Variants in SLC66A3 observed in about 807,000 individuals in gnomAD.
The protein encoded by SLC66A3 is PQ loop repeat containing 3.
In SLC66A3, 23 loss-of-function variants were observed where a neutral mutation model predicts 25.5. The ratio of observed to expected loss-of-function variants is 0.90; its 90% CI spans 0.65 to 1.28. The LOEUF is 1.28. SLC66A3 is among the 50% of genes most tolerant of loss of function. The pLI, the probability that SLC66A3 is intolerant of heterozygous loss-of-function variation, is 0.00. For missense variants in SLC66A3, 246 were observed against 262.1 expected (o/e 0.94, Z 0.42); for synonymous variants, 108 against 112.6 (o/e 0.96, Z 0.26).
intron 1 of SLC66A3, among the ~76,000 whole-genome samples, 194 bp downstream of exon 1, chr2:11,155,883 C>T (rs150099004): frequency 0.012 from 1,833 of 152,340 alleles, 19 homozygotes; most frequent in Non-Finnish European, 0.02. Context: ...CACCCGCGTA[C>T]ATTGTTTCTC....
chr2:11,164,345 A>ATATATATATATTTTTTTTTTTTT, intron 4 of SLC66A3, 84 bp downstream of exon 4: 3 of 92,812 alleles, frequency 3.2e-5, no homozygotes, highest in Non-Finnish European at 3.8e-5. Flanking sequence ...ATATATATAT[A>ATATATATATATTTTTTTTTTTTT]TTTTTTTTTT....
chr2:11,162,187 TC>T (rs1205828521), intron 3 of SLC66A3, among the ~76,000 whole-genome samples: 9 of 152,168 alleles, frequency 5.9e-5, no homozygotes, highest in African/African-American at 1.7e-4. Flanking sequence ...GAGGCGAGGC[TC>T]TGCAGCCTGT....
intron 1 of SLC66A3, among the ~76,000 whole-genome samples, chr2:11,158,207 G>C (rs1661975480): frequency 6.6e-6 from 1 of 152,208 alleles, no homozygotes; most frequent in South Asian, 2.1e-4. Flanking sequence ...AAGCACTATA[G>C]CGATTACTTA....
At chr2:11,164,345 A>ATATATATTTTTTTTTTT in intron 4 of SLC66A3, 84 bp downstream of exon 4, 2 of 88,048 alleles carry the variant, frequency 2.3e-5, no homozygotes, top group Non-Finnish European at 4.0e-5. Flanking sequence ...ATATATATAT[A>ATATATATTTTTTTTTTT]TTTTTTTTTT....
chr2:11,158,572 G>T (rs367630536), intron 1 of SLC66A3, among the ~76,000 whole-genome samples: 3 of 152,248 alleles, frequency 2.0e-5, no homozygotes, highest in African/African-American at 7.2e-5. Context: ...TGAGGCAGGA[G>T]AATGGCGTGA....
intron 1 of SLC66A3, among the ~76,000 whole-genome samples, chr2:11,158,185 T>C (rs1661974705): frequency 6.6e-6 from 1 of 152,220 alleles, no homozygotes; most frequent in Non-Finnish European, 1.5e-5. Context: ...GCTGGCATGA[T>C]TTTATTATGA....
intron 5 of SLC66A3, among the ~76,000 whole-genome samples, chr2:11,173,729 C>T (rs1230485938): frequency 6.6e-6 from 1 of 152,190 alleles, no homozygotes; most frequent in Non-Finnish European, 1.5e-5. Context: ...CCTTGAGCTG[C>T]AGGCAGTGGT....
Position 11,178,310 on chromosome 2 carries a change from A to C in SLC66A3, c.*482A>C, listed in dbSNP as rs1662840287. On this transcript the variant is annotated 3_prime_UTR_variant, in exon 7 of 7. Transcript: ENST00000295083. ...ACTGATGTTTAATTGTAACACAGAT[A>C]CAACAGGGTGGCCTTGTTGTGTATA... The C allele has an allele frequency of 6.4e-6, 1 of 155,740 alleles. No homozygotes were observed. Among genetic ancestry groups the C allele is most frequent in the Non-Finnish European group, 1.4e-5 (1 of 70,368 alleles). The allele number at this position is 155,740 out of a possible 1,614,324, so 9.6% of individuals were successfully genotyped here.
chr2:11,159,601 T>G lies in SLC66A3; in HGVS notation c.144-865T>G, dbSNP rs145809058. The stretch of plus-strand genomic sequence containing the variant: ...ACTTTTCCAGGATTCCTTCCCAGCT[T>G]AGGAGATTGGAGACCCTGGGGGGCC... On this transcript the variant is annotated intron_variant, in intron 1 of 6. Transcript: ENST00000295083. Among the ~76,000 whole-genome samples the G allele has an allele frequency of 3.8e-3, 572 of 152,258 alleles. 2 individuals carry two copies. The highest frequency in any genetic ancestry group is 0.012 in the African/African-American group (496 of 41,548).
chr2:11,167,349 A>G (rs1662380997), intron 4 of SLC66A3, among the ~76,000 whole-genome samples: 1 of 152,158 alleles, frequency 6.6e-6, no homozygotes, highest in Admixed American at 6.5e-5. Flanking sequence ...AGGCTGAGGC[A>G]GGAGAATCGC....
At chr2:11,171,889 C>T (rs1263098434) in intron 4 of SLC66A3, 36 bp from the exon 5 acceptor site, 9 of 1,610,316 alleles carry the variant, frequency 5.6e-6, no homozygotes, top group East Asian at 2.2e-5. Flanking sequence ...TTTAACAAAT[C>T]GACTCGTGAC....
At position 11,177,719 on chromosome 2, in the gene SLC66A3, CTTT is replaced by C; in HGVS notation, c.518-10_518-8del. ...TATTGTAAAGACAGTTTTTAATACACTTTTTTTTTTATTTCAGTTCTTCTACGT... is the reference window on the plus strand; with the variant it reads ...TATTGTAAAGACAGTTTTTAATACACTTTTTTTATTTCAGTTCTTCTACGT... On this transcript the variant is annotated splice_polypyrimidine_tract_variant and intron_variant, in intron 6 of 6. Coordinates refer to ENST00000295083, the MANE Select transcript of SLC66A3 (RefSeq NM_152391.5). 1 of 1,366,442 alleles carries C rather than the reference CTTT, an allele frequency of 7.3e-7. No individual in the cohort carries two copies. Among genetic ancestry groups the C allele is most frequent in the Non-Finnish European group, 1.0e-6 (1 of 992,936 alleles). 84.6% of individuals were successfully genotyped at this position (1,366,442 alleles called of 1,614,324 possible). A position where few individuals can be genotyped will look rare whatever the true frequency, so the allele number is the denominator to read the frequency against.
intron 4 of SLC66A3, 64 bp downstream of exon 4, chr2:11,164,325 A>ATT (rs1295564676): frequency 1.3e-4 from 32 of 243,806 alleles, no homozygotes; most frequent in South Asian, 3.7e-4. Flanking sequence ...CTTGATAGAT[A>ATT]TTTATATATA....
At chr2:11,173,415 A>T (rs1242335525) in intron 5 of SLC66A3, among the ~76,000 whole-genome samples, 1 of 152,166 alleles carries the variant, frequency 6.6e-6, no homozygotes, top group Non-Finnish European at 1.5e-5. Flanking sequence ...CAGCCTTTTA[A>T]AAAGTTTGTC....
chr2:11,164,729 G>A (rs1473599571), intron 4 of SLC66A3, among the ~76,000 whole-genome samples: 1 of 151,328 alleles, frequency 6.6e-6, no homozygotes, highest in Non-Finnish European at 1.5e-5. Context: ...ATTAGGGAGT[G>A]GTGATGATTC....
chr2:11,176,784 T>C (rs1662768044), intron 6 of SLC66A3, among the ~76,000 whole-genome samples: 1 of 151,106 alleles, frequency 6.6e-6, no homozygotes, highest in African/African-American at 2.4e-5. Flanking sequence ...CGCCTCGGCC[T>C]CCCAAAGTGC....
intron 6 of SLC66A3, among the ~76,000 whole-genome samples, chr2:11,177,456 C>CA (rs371498449): frequency 0.1 from 10,782 of 106,910 alleles, 548 homozygotes; most frequent in African/African-American, 0.2. Context: ...AAGACTGTCT[C>CA]AAAAAAAAAA....
chr2:11,159,600 T>G, intron 1 of SLC66A3, among the ~76,000 whole-genome samples: 1 of 152,174 alleles, frequency 6.6e-6, no homozygotes, highest in East Asian at 1.9e-4. Context: ...CCTTCCCAGC[T>G]TAGGAGATTG....
chr2:11,165,981 G>A (rs981112486), intron 4 of SLC66A3, among the ~76,000 whole-genome samples: 16 of 152,196 alleles, frequency 1.1e-4, no homozygotes, highest in Admixed American at 3.3e-4. Flanking sequence ...GTCCAGCTTC[G>A]GCTCGGCATC....
Sources: allele counts gnomAD v4.1 joint callset (sites outside exome capture counted in the v4.1 genomes callset), GRCh38; gene constraint gnomAD v4.1.1; transcripts MANE v1.5; gene names NCBI Gene and HGNC (gene_info 2026-07-23, HGNC 2026-07-21).